The following CEP112 variants were observed in gnomAD, a reference collection of about 807,000 sequenced individuals.
CEP112 encodes the protein centrosomal protein 112, also known as centrosomal protein of 112 kDa.
CEP112 carries 127 observed loss-of-function variants against 153.0 expected under a neutral mutation model. That is an observed-to-expected ratio of 0.83 (90% confidence interval 0.72 to 0.96). CEP112 has a LOEUF of 0.96. Among genes scored for constraint, CEP112 ranks in the 40% least tolerant of loss-of-function variants. CEP112 has a pLI of 0.00. For synonymous variants in CEP112, 358 were observed against 374.4 expected (o/e 0.96, Z 0.51); for missense variants, 1,089 against 1,101.2 (o/e 0.99, Z 0.16).
At chr17:65,794,141 C>T (rs1426209124) in intron 21 of CEP112, among the ~76,000 whole-genome samples, 6 of 152,232 alleles carry the variant, frequency 3.9e-5, no homozygotes, top group Admixed American at 2.6e-4. Flanking sequence ...AGTTACACTC[C>T]GATGGGGAGT....
chr17:66,094,022 T>C (rs1255477533), intron 8 of CEP112, among the ~76,000 whole-genome samples: 1 of 152,044 alleles, frequency 6.6e-6, no homozygotes. Context: ...AATAAACCCA[T>C]ACATTTAGTG....
intron 18 of CEP112, among the ~76,000 whole-genome samples, chr17:65,956,131 G>A (rs556569858): frequency 6.6e-6 from 1 of 152,152 alleles, no homozygotes; most frequent in South Asian, 2.1e-4. Context: ...TAAGAAAATC[G>A]AAATTATATC....
chr17:65,927,807 G>T, intron 18 of CEP112, 118 bp from the exon 19 acceptor site: 1 of 476,476 alleles, frequency 2.1e-6, no homozygotes, highest in Non-Finnish European at 3.6e-6. Flanking sequence ...TAATAATGAT[G>T]AATTTAAATG....
intron 20 of CEP112, chr17:65,873,010 ATTGT>A (rs887971964): frequency 2.0e-5 from 3 of 152,038 alleles, no homozygotes; most frequent in African/African-American, 7.2e-5. Flanking sequence ...AATTTACGAG[ATTGT>A]TTTCCTTTTT....
intron 17 of CEP112, among the ~76,000 whole-genome samples, chr17:65,970,119 C>A (rs558111686): frequency 5.3e-5 from 8 of 152,276 alleles, no homozygotes; most frequent in Admixed American, 1.3e-4. Context: ...ACATGCATAT[C>A]GCATGTATAT....
chr17:66,079,445 C>T (rs1309587880), intron 8 of CEP112, among the ~76,000 whole-genome samples: 16 of 152,088 alleles, frequency 1.1e-4, no homozygotes, highest in Non-Finnish European at 2.1e-4. Context: ...AACAATGCCT[C>T]TAACATACTA....
At chr17:65,945,606 T>C (rs1375042196) in intron 18 of CEP112, among the ~76,000 whole-genome samples, 1 of 152,154 alleles carries the variant, frequency 6.6e-6, no homozygotes, top group African/African-American at 2.4e-5. Flanking sequence ...ATTGTGGTTT[T>C]ATTTTTGCAT....
chr17:66,036,053 T>C (rs2065726618), intron 12 of CEP112, among the ~76,000 whole-genome samples: 2 of 152,202 alleles, frequency 1.3e-5, no homozygotes, highest in Non-Finnish European at 2.9e-5. Context: ...GGAAAGCCTG[T>C]TTTATGTTAC....
At chr17:66,159,988 C>T (rs1167584287) in intron 4 of CEP112, among the ~76,000 whole-genome samples, 2 of 152,170 alleles carry the variant, frequency 1.3e-5, no homozygotes, top group Non-Finnish European at 2.9e-5. Context: ...GCAACTTCAG[C>T]AAAGTCTCAG....
At chr17:65,878,585 T>C (rs2058931164) in intron 20 of CEP112, among the ~76,000 whole-genome samples, 1 of 151,886 alleles carries the variant, frequency 6.6e-6, no homozygotes, top group Admixed American at 6.6e-5. Flanking sequence ...AATAGGACAA[T>C]ATCGAGGTGT....
intron 18 of CEP112, among the ~76,000 whole-genome samples, chr17:65,937,106 G>C (rs1358919454): frequency 6.7e-6 from 1 of 148,952 alleles, no homozygotes; most frequent in Non-Finnish European, 1.5e-5. Flanking sequence ...ACAGAGTCTC[G>C]TTCACTCAGT....
At chr17:66,149,915 G>A (rs1254233543) in intron 4 of CEP112, among the ~76,000 whole-genome samples, 11 of 69,250 alleles carry the variant, frequency 1.6e-4, no homozygotes, top group Non-Finnish European at 4.9e-5. Flanking sequence ...TTTTTGAGAT[G>A]GAGTCTCACT....
At chr17:66,049,225 T>C (rs1485569598) in intron 12 of CEP112, among the ~76,000 whole-genome samples, 1 of 55,576 alleles carries the variant, frequency 1.8e-5, no homozygotes, top group African/African-American at 4.5e-5. Context: ...TTTTCCCCAA[T>C]ATGCGTAAGA....
chr17:65,782,859 A>G (rs937340206), intron 21 of CEP112, among the ~76,000 whole-genome samples: 6 of 152,254 alleles, frequency 3.9e-5, no homozygotes, highest in Admixed American at 3.9e-4. Context: ...CTAACTGTTC[A>G]GTACTATGCT....
chr17:65,751,342 C>A (rs776261506), intron 21 of CEP112, among the ~76,000 whole-genome samples: 1 of 152,212 alleles, frequency 6.6e-6, no homozygotes. Context: ...ATCCCCTCTG[C>A]CACTCAAGTT....
rs577566652 is a variant in CEP112, at chr17:65,778,188, T to G, written c.2395-27464A>C. The stretch of plus-strand genomic sequence containing the variant: ...CTTTATCCTGTTGGAGATCAACTTC[T>G]CAAAGACAGGAATCTTTTGTCTGTT... On this transcript the variant is annotated intron_variant, in intron 21 of 26. Transcript: ENST00000535342. 7.9e-5 allele frequency among the ~76,000 whole-genome samples: 12 copies of G among 152,354 alleles called. No homozygotes were observed. The South Asian group carries it at 2.1e-3, about 26-fold the overall frequency.
chr17:65,679,129 C>CTTTTTTTTTTTTTTTTTTGTTTTTTTTT (rs2047380884), intron 24 of CEP112, among the ~76,000 whole-genome samples: 1 of 31,612 alleles, frequency 3.2e-5, no homozygotes, highest in Non-Finnish European at 6.0e-5. Flanking sequence ...GTGGTTCAAG[C>CTTTTTTTTTTTTTTTTTTGTTTTTTTTT]TTTTTTTTTT....
At chr17:65,724,423 A>C (rs781051276) in intron 23 of CEP112, among the ~76,000 whole-genome samples, 13 of 152,240 alleles carry the variant, frequency 8.5e-5, no homozygotes, top group Non-Finnish European at 1.5e-4. Context: ...TCCCTTAAAA[A>C]TAACTATATA....
At chr17:65,660,871 A>C (rs950012705) in intron 24 of CEP112, among the ~76,000 whole-genome samples, 15 of 151,992 alleles carry the variant, frequency 9.9e-5, no homozygotes, top group African/African-American at 3.6e-4. Context: ...AGAGAAACCT[A>C]ATGTCACCAT....
Sources: allele counts gnomAD v4.1 joint callset (sites outside exome capture counted in the v4.1 genomes callset), GRCh38; gene constraint gnomAD v4.1.1; transcripts MANE v1.5; gene names NCBI Gene and HGNC (gene_info 2026-07-23, HGNC 2026-07-21).